DLG2: variants seen among roughly 807,000 people sequenced by gnomAD.
DLG2 encodes disks large homolog 2.
DLG2 carries 45 observed loss-of-function variants against 132.5 expected under a neutral mutation model. The observed-to-expected ratio is 0.34, with a 90% CI of 0.27 to 0.44. DLG2 has a LOEUF of 0.44. DLG2 is among the 20% of genes least tolerant of loss of function. The probability of loss-of-function intolerance (pLI) is 1.00; values close to 1 mark genes in which losing one functional copy is unlikely to be tolerated. For synonymous variants in DLG2, 424 were observed against 419.6 expected (o/e 1.01, Z -0.13); for missense variants, 1,045 against 1,196.9 (o/e 0.87, Z 1.87).
intron 14 of DLG2, among the ~76,000 whole-genome samples, chr11:83,949,218 T>C (rs2084806951): frequency 6.6e-6 from 1 of 152,082 alleles, no homozygotes; most frequent in South Asian, 2.1e-4. Flanking sequence ...GTAGACTAAA[T>C]GTGATAATAT....
chr11:85,048,982 T>C (rs1037026426), intron 6 of DLG2, among the ~76,000 whole-genome samples: 5 of 152,050 alleles, frequency 3.3e-5, no homozygotes, highest in African/African-American at 1.2e-4. Flanking sequence ...TGATTAGCAT[T>C]AAAATTCAAT....
At chr11:85,343,322 C>T (rs2082622424) in intron 3 of DLG2, among the ~76,000 whole-genome samples, 1 of 152,130 alleles carries the variant, frequency 6.6e-6, no homozygotes, top group African/African-American at 2.4e-5. Flanking sequence ...TGTCTAACTG[C>T]TACCAGAGTG....
At chr11:84,808,139 G>T (rs1302945660) in intron 6 of DLG2, among the ~76,000 whole-genome samples, 1 of 152,090 alleles carries the variant, frequency 6.6e-6, no homozygotes, top group Non-Finnish European at 1.5e-5. Flanking sequence ...ATCATAGAGA[G>T]TGTGTTATCT....
chr11:85,457,219 G>C (rs966471882), intron 3 of DLG2, among the ~76,000 whole-genome samples: 8 of 146,394 alleles, frequency 5.5e-5, no homozygotes, highest in African/African-American at 2.0e-4. Context: ...TGGGCTTAAA[G>C]TCTCTTTTGT....
At chr11:85,086,035 G>T (rs959496653) in intron 6 of DLG2, among the ~76,000 whole-genome samples, 5 of 152,012 alleles carry the variant, frequency 3.3e-5, no homozygotes, top group African/African-American at 1.2e-4. Flanking sequence ...AAAAACTTTT[G>T]CAGTTGACCT....
rs187027238 is a variant in DLG2 at position 85,402,072 on chromosome 11, C to T, written c.41-116707G>A. Among the ~76,000 whole-genome samples the T allele has an allele frequency of 3.2e-3, 489 of 152,142 alleles. 3 individuals are homozygous for T. The highest frequency in any genetic ancestry group is 6.8e-3 in the African/African-American group (282 of 41,526). On this transcript the variant is annotated intron_variant, in intron 3 of 27. Transcript: ENST00000376104. ...AAAAAGAACAAAGCTGGAGGCATCA[C>T]GCTACCTGACTTCAAACTATACTAC...
At chr11:84,083,492 C>T (rs962038063) in intron 10 of DLG2, among the ~76,000 whole-genome samples, 2 of 152,116 alleles carry the variant, frequency 1.3e-5, no homozygotes, top group Non-Finnish European at 2.9e-5. Context: ...AAATTTAATT[C>T]CCAATGCAAC....
At chr11:84,973,474 T>G (rs2154115715) in intron 6 of DLG2, among the ~76,000 whole-genome samples, 2 of 152,210 alleles carry the variant, frequency 1.3e-5, no homozygotes, top group Non-Finnish European at 2.9e-5. Context: ...TCTGTCAATC[T>G]CTCTCTCTTA....
intron 3 of DLG2, among the ~76,000 whole-genome samples, chr11:85,512,349 G>A (rs996562983): frequency 8.5e-5 from 13 of 152,140 alleles, no homozygotes; most frequent in African/African-American, 3.1e-4. Context: ...TGACTATGCT[G>A]AAGTTAACTG....
chr11:84,072,130 G>A (rs539093940), intron 10 of DLG2, among the ~76,000 whole-genome samples: 7 of 152,334 alleles, frequency 4.6e-5, no homozygotes, highest in African/African-American at 1.7e-4. Flanking sequence ...GCTACTGGTA[G>A]CACTGATCAC....
intron 6 of DLG2, among the ~76,000 whole-genome samples, chr11:85,003,881 C>A (rs931608221): frequency 6.6e-6 from 1 of 152,026 alleles, no homozygotes; most frequent in African/African-American, 2.4e-5. Flanking sequence ...TAGGACTCAC[C>A]CCTGACAGGC....
intron 6 of DLG2, among the ~76,000 whole-genome samples, chr11:85,098,089 G>T (rs2070197024): frequency 2.0e-5 from 3 of 152,212 alleles, no homozygotes; most frequent in Admixed American, 2.0e-4. Flanking sequence ...AAGGACTGAA[G>T]AGAGTATGTG....
At chr11:84,105,419 G>A (rs2092834485) in intron 9 of DLG2, among the ~76,000 whole-genome samples, 1 of 152,140 alleles carries the variant, frequency 6.6e-6, no homozygotes, top group Non-Finnish European at 1.5e-5. Flanking sequence ...CACAGCACAT[G>A]GGTGATGATC....
chr11:84,509,505 C>T (rs940430973), intron 7 of DLG2, among the ~76,000 whole-genome samples: 1 of 152,098 alleles, frequency 6.6e-6, no homozygotes, highest in South Asian at 2.1e-4. Flanking sequence ...TTTCTCCAAC[C>T]CATGGCAAGT....
intron 3 of DLG2, among the ~76,000 whole-genome samples, chr11:85,569,668 C>T (rs2077731358): frequency 6.6e-6 from 1 of 152,070 alleles, no homozygotes; most frequent in Admixed American, 6.6e-5. Flanking sequence ...CCACAATGAC[C>T]TACCATCGTA....
chr11:84,866,340 G>A (rs969910563), intron 6 of DLG2, among the ~76,000 whole-genome samples: 1 of 152,168 alleles, frequency 6.6e-6, no homozygotes, highest in African/African-American at 2.4e-5. Flanking sequence ...CATGTGAGGA[G>A]ACCAAAGCCA....
At chr11:85,030,868 T>C (rs1435864438) in intron 6 of DLG2, among the ~76,000 whole-genome samples, 3 of 152,100 alleles carry the variant, frequency 2.0e-5, no homozygotes, top group Non-Finnish European at 4.4e-5. Context: ...TTTCGATTTT[T>C]ATTTTTGATA....
At chr11:84,456,031 A>C (rs1387877433) in intron 7 of DLG2, among the ~76,000 whole-genome samples, 1 of 151,290 alleles carries the variant, frequency 6.6e-6, no homozygotes, top group African/African-American at 2.4e-5. Flanking sequence ...TCATCAAGCA[A>C]GTATGGAACA....
At chr11:84,272,074 A>G (rs1260386603) in intron 7 of DLG2, 1 of 164,328 alleles carries the variant, frequency 6.1e-6, no homozygotes, top group African/African-American at 2.4e-5. Context: ...GTTTCCCACC[A>G]TTAGTTTTTT....
Sources: allele counts gnomAD v4.1 joint callset (sites outside exome capture counted in the v4.1 genomes callset), GRCh38; gene constraint gnomAD v4.1.1; transcripts MANE v1.5; gene names NCBI Gene and HGNC (gene_info 2026-07-23, HGNC 2026-07-21).